The following SLF1 variants were observed in gnomAD, a reference collection of about 807,000 sequenced individuals.
SLF1 encodes the protein SMC5-SMC6 complex localization factor protein 1.
A neutral mutation model predicts 123.0 loss-of-function variants in SLF1; 105 were observed. The observed-to-expected ratio is 0.85, with a 90% confidence interval of 0.73 to 1.00. The LOEUF is 1.00. Ranked by LOEUF, SLF1 falls within the 50% of genes least tolerant of loss-of-function variation. SLF1 has a pLI of 0.00. For missense variants in SLF1, 1,239 were observed against 1,223.0 expected (o/e 1.01, Z -0.20); for synonymous variants, 434 against 406.6 (o/e 1.07, Z -0.81).
At chr5:94,684,737 G>A (rs1752220545) in intron 15 of SLF1, among the ~76,000 whole-genome samples, 1 of 149,974 alleles carries the variant, frequency 6.7e-6, no homozygotes, top group Non-Finnish European at 1.5e-5. Context: ...TCTCTGTAGA[G>A]GCCATATTGG....
Position 94,628,902 on chromosome 5 carries a change from A to G in SLF1, c.92A>G (p.Asp31Gly). 2 of 1,547,728 alleles carry G rather than the reference A, an allele frequency of 1.3e-6. No individual in the cohort carries two copies. Among genetic ancestry groups the G allele is most frequent in the Non-Finnish European group, 1.7e-6 (2 of 1,145,246 alleles). ...EALVKLLLKL[D>G]CTFIKSEKYK... ...CTAGTCAAATTACTTTTAAAACTAG[A>G]TTGCACTTTTATTAAGAGTGAGGTA... The change falls in exon 2 of 21, where the codon GAT becomes GGT. Residue 31 changes from aspartate (D) to glycine (G), a missense_variant. Physicochemically the swap from Asp to Gly is moderately conservative, Grantham distance 94. Coordinates refer to ENST00000265140, the MANE Select transcript of SLF1 (RefSeq NM_032290.4).
At position 94,655,283 on chromosome 5, in the gene SLF1, G is replaced by A. The variant is rs1472695987; in HGVS notation, c.1155+531G>A. ...TTTTTGGATTCTCTGTTCTTCACTG[G>A]TCTATATGTCTGTTTTTATACCAGT... On this transcript the variant is annotated intron_variant, in intron 9 of 20. Transcript: ENST00000265140. Among the ~76,000 whole-genome samples the A allele has an allele frequency of 1.3e-5, 2 of 152,008 alleles. 1 individual carries two copies. The highest frequency in any genetic ancestry group is 4.8e-5 in the African/African-American group (2 of 41,374).
In SLF1 at chr5:94,692,998, C is replaced by T. The variant is rs1753199243; in HGVS notation, c.2695+742C>T. On this transcript the variant is annotated intron_variant, in intron 20 of 20. Transcript: ENST00000265140. ...TAAAAGAAAAAAAGAAAACTGATGACCAGCTTAGAATATGGAAACAAAGAT... is the reference window on the plus strand; with the variant it reads ...TAAAAGAAAAAAAGAAAACTGATGATCAGCTTAGAATATGGAAACAAAGAT... Among the ~76,000 whole-genome samples the T allele has an allele frequency of 2.0e-5, 3 of 152,068 alleles. No homozygotes were observed. The South Asian group carries it at 6.2e-4, about 32-fold the overall frequency.
intron 9 of SLF1, among the ~76,000 whole-genome samples, chr5:94,655,626 C>T (rs1168022985): frequency 6.6e-6 from 1 of 152,026 alleles, no homozygotes; most frequent in Non-Finnish European, 1.5e-5. Context: ...TTTCTTTCAT[C>T]AGTGTTTTTT....
chr5:94,691,379 T>G (rs1585245279), intron 18 of SLF1, 185 bp from the exon 19 acceptor site: 2 of 428,550 alleles, frequency 4.7e-6, no homozygotes, highest in Non-Finnish European at 8.2e-6. Flanking sequence ...TTGGTGGGGG[T>G]CCTTCCCCTT....
At chr5:94,633,110 C>A (rs899021585) in intron 4 of SLF1, among the ~76,000 whole-genome samples, 2 of 152,144 alleles carry the variant, frequency 1.3e-5, no homozygotes, top group Non-Finnish European at 2.9e-5. Flanking sequence ...GCCTCAGCCT[C>A]CCGAGTAGCT....
rs530685434 is a variant in SLF1, at chr5:94,637,573, T to A, written c.432-5700T>A. 2.0e-5 allele frequency among the ~76,000 whole-genome samples: 3 copies of A among 152,238 alleles called. No homozygotes were observed. In the South Asian group the frequency reaches 6.2e-4, roughly 32 times the overall value. On this transcript the variant is annotated intron_variant, in intron 4 of 20. Transcript: ENST00000265140. ...GCTGCTTAAGATGGATGGGCCTAAC[T>A]GCTATGCTTAGTACAAATTACAACT...
intron 15 of SLF1, among the ~76,000 whole-genome samples, chr5:94,680,299 TA>T (rs1295260651): frequency 3.9e-5 from 6 of 152,326 alleles, no homozygotes; most frequent in African/African-American, 1.2e-4. Flanking sequence ...TTATCTCTTT[TA>T]TTTTTTTCTT....
intron 1 of SLF1, among the ~76,000 whole-genome samples, chr5:94,626,772 C>T (rs1043172156): frequency 1.3e-5 from 2 of 152,150 alleles, no homozygotes; most frequent in African/African-American, 4.8e-5. Context: ...CTGGCAGCTC[C>T]TTAGGATGTG....
intron 5 of SLF1, among the ~76,000 whole-genome samples, chr5:94,643,646 TTTAACA>T (rs1459188719): frequency 6.6e-6 from 1 of 152,130 alleles, no homozygotes; most frequent in Admixed American, 6.5e-5. Context: ...ACTAGTTAAG[TTTAACA>T]TTAAGTATTT....
At chr5:94,644,979 C>T (rs1016545100) in intron 5 of SLF1, among the ~76,000 whole-genome samples, 7 of 152,120 alleles carry the variant, frequency 4.6e-5, no homozygotes, top group Non-Finnish European at 7.4e-5. Context: ...TGTAATATAT[C>T]ATTATATAGT....
At chr5:94,628,674 A>G in intron 1 of SLF1, 137 bp from the exon 2 acceptor site, 1 of 492,966 alleles carries the variant, frequency 2.0e-6, no homozygotes. Flanking sequence ...TATTGTTTTA[A>G]CAGCTGTGCC....
chr5:94,687,715 CAACAAAG>C (rs1413253965), intron 16 of SLF1, among the ~76,000 whole-genome samples: 1 of 151,634 alleles, frequency 6.6e-6, no homozygotes, highest in Non-Finnish European at 1.5e-5. Flanking sequence ...ACAACAACAA[CAACAAAG>C]AAAGAAAAGA....
At chr5:94,650,184 C>T (rs990418771) in intron 6 of SLF1, among the ~76,000 whole-genome samples, 47 of 152,020 alleles carry the variant, frequency 3.1e-4, no homozygotes, top group Non-Finnish European at 7.4e-5. Flanking sequence ...CAGTTATGTT[C>T]ACTTTCATAT....
intron 12 of SLF1, among the ~76,000 whole-genome samples, chr5:94,668,597 A>G (rs982861273): frequency 1.3e-5 from 2 of 151,972 alleles, no homozygotes; most frequent in African/African-American, 4.8e-5. Context: ...CCACTTCCCA[A>G]AGTGCTGGGA....
intron 4 of SLF1, among the ~76,000 whole-genome samples, chr5:94,631,196 T>C (rs911106529): frequency 6.6e-6 from 1 of 152,172 alleles, no homozygotes; most frequent in Admixed American, 6.5e-5. Context: ...TAAACTGTAT[T>C]CTAAGACTGC....
chr5:94,661,614 A>C, intron 9 of SLF1, among the ~76,000 whole-genome samples: 1 of 151,284 alleles, frequency 6.6e-6, no homozygotes, highest in Non-Finnish European at 1.5e-5. Context: ...AGCTCACTAC[A>C]ACCTGAGCTT....
intron 20 of SLF1, 100 bp from the exon 21 acceptor site, chr5:94,694,731 A>G: frequency 7.2e-7 from 1 of 1,397,078 alleles, no homozygotes; most frequent in Non-Finnish European, 9.6e-7. Context: ...ATATGATTGC[A>G]AAGAAAGCAC....
At chr5:94,649,385 A>C in intron 5 of SLF1, 69 bp from the exon 6 acceptor site, 1 of 1,255,064 alleles carries the variant, frequency 8.0e-7, no homozygotes, top group Non-Finnish European at 1.1e-6. Flanking sequence ...AAAGTTGAGT[A>C]CCATAAAACG....
Sources: allele counts gnomAD v4.1 joint callset (sites outside exome capture counted in the v4.1 genomes callset), GRCh38; gene constraint gnomAD v4.1.1; transcripts MANE v1.5; gene names NCBI Gene and HGNC (gene_info 2026-07-23, HGNC 2026-07-21).